FGF12: variants seen among roughly 807,000 people sequenced by gnomAD.
FGF12 encodes the protein fibroblast growth factor 12B.
A neutral mutation model predicts 23.6 loss-of-function variants in FGF12; 14 were observed. The observed-to-expected ratio is 0.59, with a 90% CI of 0.39 to 0.93. FGF12 has a LOEUF of 0.93. Among genes scored for constraint, FGF12 ranks in the 40% least tolerant of loss-of-function variants. The pLI is 0.00. For synonymous variants in FGF12, 62 were observed against 77.3 expected (o/e 0.80, Z 1.04); for missense variants, 175 against 217.8 (o/e 0.80, Z 1.24).
At chr3:192,675,144 G>A (rs1324804676) in intron 2 of FGF12, among the ~76,000 whole-genome samples, 2 of 152,140 alleles carry the variant, frequency 1.3e-5, no homozygotes, top group African/African-American at 4.8e-5. Flanking sequence ...AATCAGTTGA[G>A]TGACTAAAGC....
At chr3:192,396,406 C>A (rs1017572671) in intron 2 of FGF12, among the ~76,000 whole-genome samples, 1 of 152,184 alleles carries the variant, frequency 6.6e-6, no homozygotes. Flanking sequence ...TTGCTCCAGA[C>A]ACAGAACAGG....
chr3:192,725,359 C>T (rs79850748), intron 2 of FGF12, among the ~76,000 whole-genome samples: 2,097 of 151,290 alleles, frequency 0.014, 49 homozygotes, highest in African/African-American at 0.05. Context: ...CAAAAGTCTT[C>T]GTTGCCTTTG....
At chr3:192,158,340 T>TTC (rs1406908970) in intron 5 of FGF12, among the ~76,000 whole-genome samples, 1,476 of 67,418 alleles carry the variant, frequency 0.022, 17 homozygotes, top group Admixed American at 0.041. Context: ...TTCTCTTTCT[T>TTC]TCTTTCTTTC....
chr3:192,355,559 G>A (rs774961967), intron 3 of FGF12, among the ~76,000 whole-genome samples: 1 of 152,196 alleles, frequency 6.6e-6, no homozygotes, highest in Non-Finnish European at 1.5e-5. Flanking sequence ...ACTCGGCAAG[G>A]AGGAAAAATA....
At chr3:192,719,798 AAAAAAAG>A (rs1332310343) in intron 2 of FGF12, among the ~76,000 whole-genome samples, 47 of 143,838 alleles carry the variant, frequency 3.3e-4, no homozygotes, top group East Asian at 1.5e-3. Flanking sequence ...AAAAAAAAAA[AAAAAAAG>A]AAAAACAAGA....
At chr3:192,280,128 T>G (rs899263318) in intron 4 of FGF12, among the ~76,000 whole-genome samples, 2 of 152,132 alleles carry the variant, frequency 1.3e-5, no homozygotes, top group Non-Finnish European at 2.9e-5. Context: ...AAAGAGAGTG[T>G]GATGGGGTTA....
chr3:192,425,153 G>A (rs185523451), intron 2 of FGF12, among the ~76,000 whole-genome samples: 1 of 152,250 alleles, frequency 6.6e-6, no homozygotes, highest in Admixed American at 6.5e-5. Context: ...CTTACCACAT[G>A]CCAAACTGCT....
chr3:192,676,012 A>G (rs1717314651), intron 2 of FGF12, among the ~76,000 whole-genome samples: 1 of 152,226 alleles, frequency 6.6e-6, no homozygotes, highest in South Asian at 2.1e-4. Flanking sequence ...CTGGAGAGAC[A>G]CGCTTTTGAC....
intron 4 of FGF12, among the ~76,000 whole-genome samples, chr3:192,291,152 T>C (rs573444411): frequency 6.6e-6 from 1 of 152,330 alleles, no homozygotes; most frequent in Admixed American, 6.5e-5. Flanking sequence ...GATTTACTAC[T>C]ATTGAGTAGG....
At position 192,224,252 on chromosome 3, in the gene FGF12, G is replaced by C. The variant is rs775733498; in HGVS notation, c.229-53596C>G. 3.9e-5 allele frequency among the ~76,000 whole-genome samples: 6 copies of C among 152,152 alleles called. No homozygotes were observed. The South Asian group carries it at 1.2e-3, about 32-fold the overall frequency. On this transcript the variant is annotated intron_variant, in intron 4 of 5. Transcript: ENST00000445105. ...TCTGTATTATGATGATAGTGGTGAT[G>C]ATGATGATGATAATGACATACAATT...
At chr3:192,660,713 T>A (rs1204634864) in intron 2 of FGF12, among the ~76,000 whole-genome samples, 2 of 152,150 alleles carry the variant, frequency 1.3e-5, no homozygotes, top group African/African-American at 4.8e-5. Flanking sequence ...AGGAGATACT[T>A]CCTTATTTAG....
At chr3:192,723,521 T>C (rs1309783880) in intron 2 of FGF12, among the ~76,000 whole-genome samples, 1 of 152,134 alleles carries the variant, frequency 6.6e-6, no homozygotes, top group African/African-American at 2.4e-5. Flanking sequence ...ATTTGGTAGA[T>C]GTGGTGTAGG....
chr3:192,469,293 C>T (rs954874959), intron 2 of FGF12, among the ~76,000 whole-genome samples: 1 of 152,326 alleles, frequency 6.6e-6, no homozygotes, highest in Non-Finnish European at 1.5e-5. Context: ...TCTGTTTCTA[C>T]ACCCTCTCAG....
intron 2 of FGF12, among the ~76,000 whole-genome samples, chr3:192,705,908 T>C (rs965233075): frequency 1.1e-4 from 17 of 152,250 alleles, no homozygotes; most frequent in Non-Finnish European, 2.1e-4. Context: ...ACATAGTGCC[T>C]GATTCTTTAC....
In FGF12 at chr3:192,140,414, C is replaced by T. The variant is rs2108571008; in HGVS notation, c.*3595G>A. ...CTTCTCAAGAGCAAGGCCTTGTAGA[C>T]TAAGGTATGAGGGTGAAATCGATTT... On this transcript the variant is annotated 3_prime_UTR_variant, in exon 6 of 6. Coordinates refer to ENST00000445105, the MANE Select transcript of FGF12 (RefSeq NM_004113.6). 6.6e-6 allele frequency: 1 copy of T among 152,036 alleles called. No homozygotes were observed. The highest frequency in any genetic ancestry group is 2.1e-4 in the South Asian group (1 of 4,818). 9.4% of individuals were successfully genotyped at this position (152,036 alleles called of 1,614,324 possible). A position where few individuals can be genotyped will look rare whatever the true frequency, so the allele number is the denominator to read the frequency against.
At chr3:192,277,851 C>T (rs1713895679) in intron 4 of FGF12, among the ~76,000 whole-genome samples, 1 of 152,218 alleles carries the variant, frequency 6.6e-6, no homozygotes, top group South Asian at 2.1e-4. Context: ...CAACCTTCAC[C>T]TCCCGGGTTC....
intron 2 of FGF12, among the ~76,000 whole-genome samples, chr3:192,582,249 C>T (rs1359558145): frequency 6.6e-6 from 1 of 152,146 alleles, no homozygotes; most frequent in Non-Finnish European, 1.5e-5. Context: ...AGCTAATCTG[C>T]CATAGACTGT....
Position 192,175,995 on chromosome 3 carries a change from A to C in FGF12, c.229-5339T>G, listed in dbSNP as rs1186465454. Among the ~76,000 whole-genome samples, 3 of 152,274 alleles carry C rather than the reference A, an allele frequency of 2.0e-5. No homozygotes were observed. In the East Asian group the frequency reaches 5.8e-4, roughly 29 times the overall value. On this transcript the variant is annotated intron_variant, in intron 4 of 5. Transcript: ENST00000445105. Reference sequence around the variant, plus strand: ...TCCTTTCCTCTCTAGTCAGCCTCTAACTGTGTCAGCTTTGGCCTTTCCCAC... The same window carrying C: ...TCCTTTCCTCTCTAGTCAGCCTCTACCTGTGTCAGCTTTGGCCTTTCCCAC...
intron 2 of FGF12, among the ~76,000 whole-genome samples, chr3:192,509,189 A>G (rs1483649883): frequency 6.6e-6 from 1 of 152,196 alleles, no homozygotes; most frequent in Non-Finnish European, 1.5e-5. Flanking sequence ...GTTAATTGGC[A>G]TGGTGCAAGT....
Sources: allele counts gnomAD v4.1 joint callset (sites outside exome capture counted in the v4.1 genomes callset), GRCh38; gene constraint gnomAD v4.1.1; transcripts MANE v1.5; gene names NCBI Gene and HGNC (gene_info 2026-07-23, HGNC 2026-07-21).